SLC5A6: variants seen among roughly 807,000 people sequenced by gnomAD.
SLC5A6 encodes solute carrier family 5 member 6, also known as sodium-dependent multivitamin transporter.
SLC5A6 carries 31 observed loss-of-function variants against 67.9 expected under a neutral mutation model. The observed-to-expected ratio is 0.46, with a 90% CI of 0.34 to 0.62. The LOEUF is 0.62. Among genes scored for constraint, SLC5A6 ranks in the 20% least tolerant of loss-of-function variants. The pLI is 0.01. For missense variants in SLC5A6, 673 were observed against 812.8 expected (o/e 0.83, Z 2.09); for synonymous variants, 343 against 331.0 (o/e 1.04, Z -0.39).
At chr2:27,210,414 C>A (rs990459991) in intron 2 of SLC5A6, among the ~76,000 whole-genome samples, 2 of 151,550 alleles carry the variant, frequency 1.3e-5, no homozygotes, top group African/African-American at 2.4e-5. Context: ...AAGGCACAAA[C>A]AGCAGATTGT....
intron 10 of SLC5A6, 114 bp from the exon 11 acceptor site, chr2:27,203,459 C>T (rs1673806902): frequency 2.2e-6 from 2 of 910,890 alleles, no homozygotes; most frequent in Non-Finnish European, 3.4e-6. Context: ...CACCAAGAAA[C>T]CTCCTCATAG....
chr2:27,210,438 CT>C (rs1192063285), intron 2 of SLC5A6, among the ~76,000 whole-genome samples: 4 of 148,454 alleles, frequency 2.7e-5, no homozygotes, highest in South Asian at 2.2e-4. Flanking sequence ...ACCCCCCCCC[CT>C]TTTTTTTTGG....
chr2:27,208,691 G>C (rs1161155492), intron 2 of SLC5A6: 1 of 152,840 alleles, frequency 6.5e-6, no homozygotes, highest in Non-Finnish European at 1.5e-5. Flanking sequence ...GAGTAGCTGA[G>C]GTGAGAGATC....
At chr2:27,204,656 G>C (rs1209150052) in intron 8 of SLC5A6, 66 bp from the exon 9 acceptor site, 1 of 1,603,024 alleles carries the variant, frequency 6.2e-7, no homozygotes, top group East Asian at 2.2e-5. Context: ...GTGTGCCCCT[G>C]ACCTCCAGAA....
rs1386503940 is a variant in SLC5A6 at position 27,212,000 on chromosome 2, C to T, written c.-208+20G>A. 8 of 634,422 alleles carry T rather than the reference C, an allele frequency of 1.3e-5. No homozygotes were observed. The highest frequency in any genetic ancestry group is 9.7e-5 in the South Asian group (4 of 41,392). The allele number at this position is 634,422 out of a possible 1,614,324, so 39.3% of individuals were successfully genotyped here. On this transcript the variant is annotated intron_variant, in intron 1 of 16. Coordinates refer to ENST00000310574, the MANE Select transcript of SLC5A6 (RefSeq NM_021095.4). Reference sequence around the variant, plus strand: ...CTGCCCGCCCCCTGCCCGCCCCGCTCGCCGTGCCGCCATGTTTACTGAGGG... The same window carrying T: ...CTGCCCGCCCCCTGCCCGCCCCGCTTGCCGTGCCGCCATGTTTACTGAGGG...
At position 27,205,361 on chromosome 2, in the gene SLC5A6, G is replaced by C; in HGVS notation, c.723C>G (p.Ile241Met). 1 of 1,614,134 alleles carries C rather than the reference G, an allele frequency of 6.2e-7. No homozygotes were observed. Among genetic ancestry groups the C allele is most frequent in the Non-Finnish European group, 8.5e-7 (1 of 1,180,020 alleles). ...AGGGGTATACTTACTCAAACCCAGA[G>C]ATGCGGCCGTGCTGGGAAGCCACGG... ...VWAVASQHGR[I>M]SGFELDPDPF... Residue 241 changes from isoleucine to methionine, a missense_variant, in exon 7 of 17, where the codon ATC (isoleucine) becomes ATG (methionine). Physicochemically the swap from Ile to Met is conservative, Grantham distance 10 (BLOSUM62 1). Coordinates refer to ENST00000310574, the MANE Select transcript of SLC5A6 (RefSeq NM_021095.4).
At chr2:27,202,918 G>T in intron 11 of SLC5A6, 38 bp from the exon 12 acceptor site, 1 of 1,608,942 alleles carries the variant, frequency 6.2e-7, no homozygotes, top group South Asian at 1.1e-5. Context: ...AAGAAGGTGT[G>T]AGTTAACACA....
intron 6 of SLC5A6, 97 bp downstream of exon 6, chr2:27,205,929 T>A (rs1485185991): frequency 3.3e-6 from 3 of 920,834 alleles, no homozygotes; most frequent in Non-Finnish European, 5.2e-6. Context: ...ATTCTCCTCA[T>A]CTATATTCTC....
chr2:27,208,586 T>C (rs1308199863), intron 2 of SLC5A6: 4 of 152,752 alleles, frequency 2.6e-5, no homozygotes, highest in African/African-American at 9.7e-5. Flanking sequence ...AAGAGAGTGG[T>C]CGTATCCTGC....
At chr2:27,205,991 C>T in intron 6 of SLC5A6, 35 bp downstream of exon 6, 1 of 1,518,984 alleles carries the variant, frequency 6.6e-7, no homozygotes, top group Non-Finnish European at 9.1e-7. Flanking sequence ...TACTTCATCC[C>T]TTCCCCTCCC....
Position 27,200,464 on chromosome 2 carries a change from G to T in SLC5A6, c.1880C>A (p.Thr627Asn), listed in dbSNP as rs752943041. Residue 627 changes from threonine (T) to asparagine (N), a missense_variant, in exon 17 of 17, where the codon ACC becomes AAC. Transcript: ENST00000310574. ...CAGGGAGGTCTCCTGGAGGATGCAG[G>T]TGGAGCTGCTCCCCTGATAGGCTGT... ...DGTAYQGSSS[T>N]CILQETSL 52 of 1,613,628 alleles carry T rather than the reference G, an allele frequency of 3.2e-5. No homozygotes were observed. Among genetic ancestry groups the T allele is most frequent in the Non-Finnish European group, 4.4e-5 (52 of 1,179,782 alleles).
At position 27,201,777 on chromosome 2, in the gene SLC5A6, C is replaced by A; in HGVS notation, c.1433G>T (p.Ser478Ile). Residue 478 changes from serine (S) to isoleucine (I), a missense_variant, in exon 14 of 17, where the codon AGC (serine) becomes ATC (isoleucine). By Grantham distance (142) the Ser-to-Ile change is moderately radical. Coordinates refer to ENST00000310574, the MANE Select transcript of SLC5A6 (RefSeq NM_021095.4). ...FWIGIGSIVT[S>I]MGSSMPPSPS... ...AGAGGGTGGCATGCTGGAGCCCATG[C>A]TGGTCACGATGCTCCCGATGCCAAT... The A allele has an allele frequency of 6.2e-7, 1 of 1,614,198 alleles. No individual in the cohort carries two copies. Among genetic ancestry groups the A allele is most frequent in the East Asian group, 2.2e-5 (1 of 44,886 alleles).
In SLC5A6 at chr2:27,212,006, G is replaced by C; in HGVS notation, c.-208+14C>G. On this transcript the variant is annotated intron_variant, in intron 1 of 16. Transcript: ENST00000310574. ...GCCCCCTGCCCGCCCCGCTCGCCGTGCCGCCATGTTTACTGAGGGCGGATG... is the reference window on the plus strand; with the variant it reads ...GCCCCCTGCCCGCCCCGCTCGCCGTCCCGCCATGTTTACTGAGGGCGGATG... 3 of 568,860 alleles carry C rather than the reference G, an allele frequency of 5.3e-6. No homozygotes were observed. The highest frequency in any genetic ancestry group is 8.3e-6 in the Non-Finnish European group (3 of 362,978). The allele number at this position is 568,860 out of a possible 1,614,324, so 35.2% of individuals were successfully genotyped here.
intron 12 of SLC5A6, 65 bp from the exon 13 acceptor site, chr2:27,202,139 T>C (rs1673692547): frequency 1.8e-6 from 2 of 1,137,662 alleles, no homozygotes; most frequent in Non-Finnish European, 2.6e-6. Context: ...AGACTCACCA[T>C]AAAGCATAGC....
At chr2:27,205,553 C>A in intron 6 of SLC5A6, 49 bp from the exon 7 acceptor site, 1 of 1,594,894 alleles carries the variant, frequency 6.3e-7, no homozygotes, top group Non-Finnish European at 8.6e-7. Context: ...CTAAACCCAG[C>A]TTGTCCAACC....
Position 27,207,023 on chromosome 2 carries a change from C to T in SLC5A6, c.394-81G>A. ...CAAATTCCCTCAAGATGCTCAGGAA[C>T]ATGAGGGAATATCCAACCCATACCC... On this transcript the variant is annotated intron_variant, in intron 3 of 16. Transcript: ENST00000310574. The surrounding 1 kb of genome is among the most constrained non-coding windows in gnomAD (Gnocchi z 5.5). The T allele has an allele frequency of 7.8e-7, 1 of 1,283,898 alleles. No individual in the cohort carries two copies. The highest frequency in any genetic ancestry group is 1.2e-5 in the South Asian group (1 of 84,146). 79.5% of individuals were successfully genotyped at this position (1,283,898 alleles called of 1,614,324 possible). A position where few individuals can be genotyped will look rare whatever the true frequency, so the allele number is the denominator to read the frequency against.
intron 7 of SLC5A6, 99 bp from the exon 8 acceptor site, chr2:27,205,030 CACT>C (rs1673951834): frequency 2.8e-6 from 4 of 1,433,272 alleles, no homozygotes; most frequent in Non-Finnish European, 3.9e-6. Context: ...GGAGAGACAC[CACT>C]GCTAGGGCCA....
intron 2 of SLC5A6, among the ~76,000 whole-genome samples, chr2:27,209,793 T>C (rs972275327): frequency 3.3e-5 from 5 of 152,336 alleles, no homozygotes; most frequent in Non-Finnish European, 5.9e-5. Context: ...TATGGCCTCA[T>C]GCAGACTAAA....
intron 12 of SLC5A6, among the ~76,000 whole-genome samples, 167 bp downstream of exon 12, chr2:27,202,646 C>T (rs549651659): frequency 1.2e-4 from 19 of 152,162 alleles, no homozygotes; most frequent in South Asian, 2.1e-4. Context: ...ACCCTGCGTC[C>T]TCTGGCTGCT....
Sources: allele counts gnomAD v4.1 joint callset (sites outside exome capture counted in the v4.1 genomes callset), GRCh38; gene constraint gnomAD v4.1.1; non-coding constraint Gnocchi (gnomAD v3.1); transcripts MANE v1.5; gene names NCBI Gene and HGNC (gene_info 2026-07-23, HGNC 2026-07-21).